The following DENND2B variants were observed in gnomAD, a reference collection of about 807,000 sequenced individuals.
The protein encoded by DENND2B is DENN domain-containing protein 2B.
A neutral mutation model predicts 116.0 loss-of-function variants in DENND2B; 32 were observed. The ratio of observed to expected loss-of-function variants is 0.28; its 90% CI spans 0.21 to 0.37. The LOEUF is 0.37. Ranked by LOEUF, DENND2B falls within the 10% of genes least tolerant of loss-of-function variation. The pLI is 1.00. For synonymous variants in DENND2B, 588 were observed against 583.9 expected, an observed-to-expected ratio of 1.01 and a Z score of -0.10; for missense variants, 1,276 against 1,477.7, an observed-to-expected ratio of 0.86 and a Z score of 2.24.
intron 2 of DENND2B, among the ~76,000 whole-genome samples, chr11:8,863,692 C>T (rs2063485056): frequency 6.6e-6 from 1 of 152,132 alleles, no homozygotes; most frequent in East Asian, 1.9e-4. Context: ...AATTAATATA[C>T]TTTGACCTTA....
At chr11:8,708,053 A>C (rs2042928726) in intron 11 of DENND2B, 199 bp from the exon 12 acceptor site, 6 of 1,497,954 alleles carry the variant, frequency 4.0e-6, no homozygotes, top group Admixed American at 4.0e-5. Context: ...TCAGCTCTGC[A>C]GGGTCTCCCA....
In DENND2B at chr11:8,734,219, C is replaced by A. The variant is rs540657128; in HGVS notation, c.81-3010G>T. 2.6e-5 allele frequency among the ~76,000 whole-genome samples: 4 copies of A among 152,322 alleles called. No individual in the cohort carries two copies. In the South Asian group the frequency reaches 8.3e-4, roughly 32 times the overall value. ...ATTAGCAATGGACTCACACTCTGAA[C>A]ATCCAGTTTCATTTCTTCAAAACTG... On this transcript the variant is annotated intron_variant, in intron 2 of 19. Coordinates refer to ENST00000313726, the MANE Select transcript of DENND2B (RefSeq NM_213618.2).
chr11:8,889,894 G>A (rs911558850), intron 1 of DENND2B, among the ~76,000 whole-genome samples: 5 of 152,202 alleles, frequency 3.3e-5, no homozygotes, highest in African/African-American at 1.2e-4. Context: ...GAAGAGAGTA[G>A]TGGTTCTCCA....
chr11:8,785,798 G>T (rs962476526), intron 1 of DENND2B: 4 of 152,172 alleles, frequency 2.6e-5, no homozygotes, highest in African/African-American at 9.7e-5. Context: ...ACTTAAGAAA[G>T]AATTAACTGT....
chr11:8,809,023 G>A (rs1351858938), intron 1 of DENND2B: 1 of 152,220 alleles, frequency 6.6e-6, no homozygotes, highest in African/African-American at 2.4e-5. Flanking sequence ...AGAAGGCTGA[G>A]GTTCTGGATT....
At chr11:8,716,948 G>A (rs1232596414) in intron 5 of DENND2B, among the ~76,000 whole-genome samples, 1 of 152,204 alleles carries the variant, frequency 6.6e-6, no homozygotes, top group Admixed American at 6.5e-5. Context: ...CAGCTATGGG[G>A]TAAATCTTTT....
chr11:8,712,819 G>T lies in DENND2B; in HGVS notation c.1988-84C>A. 7.2e-7 allele frequency: 1 copy of T among 1,398,546 alleles called. No homozygotes were observed. Among genetic ancestry groups the T allele is most frequent in the Non-Finnish European group, 9.6e-7 (1 of 1,042,058 alleles). 86.6% of individuals were successfully genotyped at this position (1,398,546 alleles called of 1,614,324 possible). A position where few individuals can be genotyped will look rare whatever the true frequency, so the allele number is the denominator to read the frequency against. ...ACCCCTGGCTCAGGGCTCCATTGCT[G>T]TGGAGCACTTTTAAGTACGTGAGCC... On this transcript the variant is annotated intron_variant, in intron 8 of 19. Transcript: ENST00000313726. The surrounding 1 kb of genome is among the most constrained non-coding windows in gnomAD (Gnocchi z 4.4).
At chr11:8,757,217 T>G in intron 1 of DENND2B, 1 of 399,548 alleles carries the variant, frequency 2.5e-6, no homozygotes. Context: ...ACAGCCATAA[T>G]AGCAATATGA....
intron 3 of DENND2B, 72 bp from the exon 4 acceptor site, chr11:8,726,281 G>A (rs1217441709): frequency 6.5e-7 from 1 of 1,537,808 alleles, no homozygotes; most frequent in African/African-American, 1.4e-5. Context: ...AATGTCCATG[G>A]CAACAGCAAA....
At position 8,707,359 on chromosome 11, in the gene DENND2B, ATGATC is replaced by A. The variant is rs2042782447; in HGVS notation, c.2431-139_2431-135del. The A allele has an allele frequency of 1.7e-6, 2 of 1,176,730 alleles. No individual in the cohort carries two copies. The highest frequency in any genetic ancestry group is 2.3e-6 in the Non-Finnish European group (2 of 856,846). The allele number at this position is 1,176,730 out of a possible 1,614,324, so 72.9% of individuals were successfully genotyped here. ...TGGGAGACGGGAAGGTGGTCTTGCC[ATGATC>A]TGCACACTCTACCCTTCCCGTTTTC... On this transcript the variant is annotated intron_variant, in intron 12 of 19. Transcript: ENST00000313726. This position sits in a 1 kb window ranked among gnomAD's most constrained non-coding sequence, Gnocchi z 4.8.
chr11:8,699,039 C>G, intron 15 of DENND2B, 65 bp from the exon 16 acceptor site: 1 of 1,595,562 alleles, frequency 6.3e-7, no homozygotes, highest in Non-Finnish European at 8.6e-7. Context: ...TCTGCCAGGC[C>G]TCCAGACCTC....
rs71059183 is a variant in DENND2B, at chr11:8,823,903, C to CT, written c.-114-12569dup. ...GCCACTGCTCATTCTTCTTCTTCTT[C>CT]TTTTTTTTTTTTTTTTTGAGATGGA... On this transcript the variant is annotated intron_variant, in intron 4 of 6. Transcript: ENST00000524757. Among the ~76,000 whole-genome samples, 821 of 123,052 alleles carry CT rather than the reference C, an allele frequency of 6.7e-3. 9 individuals carry two copies. Among genetic ancestry groups the CT allele is most frequent in the South Asian group, 0.029 (109 of 3,774 alleles). 80.7% of individuals were successfully genotyped at this position (123,052 alleles called of 152,430 possible). A position where few individuals can be genotyped will look rare whatever the true frequency, so the allele number is the denominator to read the frequency against.
intron 2 of DENND2B, among the ~76,000 whole-genome samples, chr11:8,859,677 T>G (rs759942416): frequency 6.6e-5 from 10 of 152,212 alleles, no homozygotes; most frequent in Non-Finnish European, 1.5e-4. Context: ...TAAGGCACTA[T>G]ACTTCCTTTT....
chr11:8,722,878 T>C (rs1592725337), intron 4 of DENND2B, among the ~76,000 whole-genome samples: 1 of 152,110 alleles, frequency 6.6e-6, no homozygotes, highest in East Asian at 1.9e-4. Flanking sequence ...CTCTCTTCTT[T>C]CCCTGTTCTC....
At chr11:8,774,400 A>C in intron 1 of DENND2B, 3 of 880,972 alleles carry the variant, frequency 3.4e-6, no homozygotes, top group Non-Finnish European at 4.1e-6. Flanking sequence ...CCCTTCCTCC[A>C]TTAGAATCTA....
rs762727704 is a variant in DENND2B, at chr11:8,730,263, C to T, written c.1027G>A (p.Gly343Ser). Residue 343 changes from glycine to serine, a missense_variant, in exon 3 of 20, where the codon GGT (glycine) becomes AGT (serine). This residue lies in a region of DENND2B where 856 missense variants were observed against 846.6 expected (regional missense o/e 1.01). Transcript: ENST00000313726. The surrounding 1 kb of genome is among the most constrained non-coding windows in gnomAD (Gnocchi z 4.1). ...SAGSRAVGVA[G>S]VAGEAGPPPE... The stretch of plus-strand genomic sequence containing the variant: ...GGTGGGCCCGCCTCCCCCGCAACAC[C>T]AGCCACTCCGACTGCCCGGCTGCCA... 1 of 1,611,276 alleles carries T rather than the reference C, an allele frequency of 6.2e-7. No homozygotes were observed. The highest frequency in any genetic ancestry group is 8.5e-7 in the Non-Finnish European group (1 of 1,179,474).
chr11:8,859,641 T>C (rs1463521320), intron 2 of DENND2B, among the ~76,000 whole-genome samples: 3 of 152,218 alleles, frequency 2.0e-5, no homozygotes, highest in Non-Finnish European at 4.4e-5. Flanking sequence ...ATGGATTATA[T>C]CATGTATATT....
chr11:8,834,722 G>A (rs558433264), intron 4 of DENND2B, among the ~76,000 whole-genome samples: 4 of 152,222 alleles, frequency 2.6e-5, no homozygotes, highest in Admixed American at 6.5e-5. Flanking sequence ...CACCAGCAGG[G>A]GCCAGAGGGT....
intron 1 of DENND2B, among the ~76,000 whole-genome samples, chr11:8,775,796 G>T (rs1437326917): frequency 6.6e-6 from 1 of 152,088 alleles, no homozygotes; most frequent in Admixed American, 6.6e-5. Context: ...TACTGCAATG[G>T]TCTCTGGTTA....
Sources: gnomAD v4.1 joint callset for allele counts (sites outside exome capture counted in the v4.1 genomes callset) on GRCh38, gnomAD v4.1.1 for gene constraint, gnomAD v4.1.1 regional missense constraint, Gnocchi (gnomAD v3.1) non-coding constraint, MANE v1.5 for transcripts, NCBI Gene and HGNC (gene_info 2026-07-23, HGNC 2026-07-21) for gene names.